The following PRELID2 variants were observed in gnomAD, a reference collection of about 807,000 sequenced individuals.
PRELID2 encodes the protein PRELI domain-containing protein 2.
PRELID2 carries 25 observed loss-of-function variants against 28.4 expected under a neutral mutation model. The observed-to-expected ratio is 0.88, with a 90% CI of 0.64 to 1.23. The LOEUF (loss-of-function observed/expected upper bound fraction) is 1.23. PRELID2 is among the 50% of genes most tolerant of loss of function. PRELID2 has a pLI of 0.00. For missense variants in PRELID2, 201 were observed against 214.4 expected (o/e 0.94, Z 0.39); for synonymous variants, 76 against 71.6 (o/e 1.06, Z -0.31).
At chr5:145,394,202 C>T in the PRELID2 span, among the ~76,000 whole-genome samples, 3 of 152,036 alleles carry the variant, frequency 2.0e-5, no homozygotes, top group African/African-American at 7.3e-5. Context: ...CAATGATAGA[C>T]TGGATTAAGA....
intron 1 of PRELID2, among the ~76,000 whole-genome samples, chr5:145,654,376 G>A (rs1284677774): frequency 6.6e-6 from 1 of 152,070 alleles, no homozygotes; most frequent in Non-Finnish European, 1.5e-5. Flanking sequence ...GAAAAACAGG[G>A]AATCCTCCCT....
the PRELID2 span, among the ~76,000 whole-genome samples, chr5:145,315,064 C>CTTT: frequency 1.8e-3 from 181 of 100,482 alleles, no homozygotes; most frequent in Middle Eastern, 7.1e-3. Flanking sequence ...TACAATAATT[C>CTTT]TTTTTTTTTT....
chr5:145,446,242 A>G, the PRELID2 span, among the ~76,000 whole-genome samples: 1 of 152,108 alleles, frequency 6.6e-6, no homozygotes, highest in African/African-American at 2.4e-5. Flanking sequence ...GTACCCCATC[A>G]ATGTGTACAA....
At chr5:145,677,088 T>C (rs1332224225) in intron 1 of PRELID2, among the ~76,000 whole-genome samples, 3 of 151,738 alleles carry the variant, frequency 2.0e-5, no homozygotes. Flanking sequence ...AAGAAATTAT[T>C]AATTATTTTA....
At chr5:145,652,421 G>A (rs546779711) in intron 1 of PRELID2, among the ~76,000 whole-genome samples, 29 of 152,308 alleles carry the variant, frequency 1.9e-4, no homozygotes, top group African/African-American at 7.0e-4. Context: ...TACTCCTTGA[G>A]AAGAGCAACT....
At chr5:145,818,774 C>T (rs1430552575) in intron 3 of PRELID2, among the ~76,000 whole-genome samples, 2 of 152,178 alleles carry the variant, frequency 1.3e-5, no homozygotes. Flanking sequence ...AAGGAAGTGA[C>T]GGAAGCTGCC....
At chr5:145,444,477 T>C in the PRELID2 span, among the ~76,000 whole-genome samples, 2 of 151,902 alleles carry the variant, frequency 1.3e-5, no homozygotes, top group African/African-American at 4.8e-5. Flanking sequence ...ACACTGTCAT[T>C]TTTGCCATTT....
chr5:145,684,314 A>C (rs573009541), intron 1 of PRELID2, among the ~76,000 whole-genome samples: 68 of 151,998 alleles, frequency 4.5e-4, no homozygotes, highest in Non-Finnish European at 8.2e-4. Flanking sequence ...ATCAGAATAA[A>C]CTCTTCTTTG....
intron 1 of PRELID2, chr5:145,729,328 T>C: frequency 1.0e-5 from 9 of 888,046 alleles, no homozygotes; most frequent in Non-Finnish European, 1.2e-5. Context: ...CAAATTTCTT[T>C]ACATTTAGCC....
chr5:145,551,272 G>A (rs574607589), intron 1 of PRELID2, among the ~76,000 whole-genome samples: 3 of 151,904 alleles, frequency 2.0e-5, no homozygotes, highest in South Asian at 2.1e-4. Flanking sequence ...GTGGTGGCGC[G>A]TGTCTGTAAT....
the PRELID2 span, among the ~76,000 whole-genome samples, chr5:145,460,718 T>C: frequency 6.6e-6 from 1 of 152,198 alleles, no homozygotes; most frequent in South Asian, 2.1e-4. Context: ...TTTAAATACA[T>C]TTCACACAGT....
the PRELID2 span, among the ~76,000 whole-genome samples, chr5:145,403,646 A>G: frequency 2.0e-5 from 3 of 152,222 alleles, no homozygotes; most frequent in African/African-American, 7.2e-5. Flanking sequence ...ACCAGGAGCT[A>G]TACTAACACT....
chr5:145,667,017 C>T (rs1754608377), intron 1 of PRELID2, among the ~76,000 whole-genome samples: 1 of 151,892 alleles, frequency 6.6e-6, no homozygotes, highest in Middle Eastern at 3.2e-3. Flanking sequence ...TTGTTACTGG[C>T]AAAAGACAAA....
chr5:145,632,978 C>A (rs898019813), intron 1 of PRELID2, among the ~76,000 whole-genome samples: 2 of 152,054 alleles, frequency 1.3e-5, no homozygotes, highest in Admixed American at 1.3e-4. Context: ...CATGTGGCAC[C>A]GTGTGACAAG....
At chr5:145,315,064 C>CTTTTT in the PRELID2 span, among the ~76,000 whole-genome samples, 2 of 100,576 alleles carry the variant, frequency 2.0e-5, no homozygotes, top group African/African-American at 3.8e-5. Context: ...TACAATAATT[C>CTTTTT]TTTTTTTTTT....
intron 1 of PRELID2, among the ~76,000 whole-genome samples, chr5:145,696,156 CTTTTT>C (rs10591669): frequency 2.0e-4 from 12 of 60,020 alleles, no homozygotes; most frequent in African/African-American, 4.9e-4. Context: ...TAAATAATAG[CTTTTT>C]TTTTTTTTTT....
At chr5:145,374,963 T>C in the PRELID2 span, among the ~76,000 whole-genome samples, 1 of 152,156 alleles carries the variant, frequency 6.6e-6, no homozygotes, top group Non-Finnish European at 1.5e-5. Context: ...TTATTACCCA[T>C]CTTCCCAACC....
At chr5:145,775,209 C>T (rs1457777429) in intron 5 of PRELID2, among the ~76,000 whole-genome samples, 3 of 151,824 alleles carry the variant, frequency 2.0e-5, no homozygotes, top group Non-Finnish European at 4.4e-5. Context: ...CACTGCACTC[C>T]AGCCTGAGGA....
At chr5:145,743,934 C>T (rs1426803576) in intron 1 of PRELID2, among the ~76,000 whole-genome samples, 3 of 152,236 alleles carry the variant, frequency 2.0e-5, no homozygotes, top group Non-Finnish European at 4.4e-5. Flanking sequence ...GCTCCCTGGG[C>T]CGGGGAAGGG....
Sources: gnomAD v4.1 joint callset for allele counts (sites outside exome capture counted in the v4.1 genomes callset) on GRCh38, gnomAD v4.1.1 for gene constraint, MANE v1.5 for transcripts, NCBI Gene and HGNC (gene_info 2026-07-23, HGNC 2026-07-21) for gene names.